The following LAMA2 variants were observed in gnomAD, a reference collection of about 807,000 sequenced individuals.
LAMA2 encodes the protein laminin subunit alpha 2, also known as laminin subunit alpha-2.
A neutral mutation model predicts 364.8 loss-of-function variants in LAMA2; 269 were observed. The observed-to-expected ratio is 0.74, with a 90% CI of 0.67 to 0.82. LAMA2 has a LOEUF of 0.82. LAMA2 is among the 40% of genes least tolerant of loss of function. The pLI, the probability that LAMA2 is intolerant of heterozygous loss-of-function variation, is 0.00. For synonymous variants in LAMA2, 1,379 were observed against 1,370.6 expected, an observed-to-expected ratio of 1.01 and a Z score of -0.14; for missense variants, 3,807 against 3,873.2, an observed-to-expected ratio of 0.98 and a Z score of 0.45.
chr6:129,464,409 T>A lies in LAMA2; in HGVS notation c.7112T>A (p.Phe2371Tyr), dbSNP rs201274841. 1 of 1,612,402 alleles carries A rather than the reference T, an allele frequency of 6.2e-7. No individual in the cohort carries two copies. Among genetic ancestry groups the A allele is most frequent in the Non-Finnish European group, 8.5e-7 (1 of 1,178,766 alleles). Residue 2371 changes from phenylalanine (F) to tyrosine (Y), a missense_variant, in exon 50 of 65, where the codon TTT (phenylalanine) becomes TAT (tyrosine). Phe to Tyr is a conservative substitution (Grantham distance 22). Around this residue, in one of 3 missense-constraint regions of LAMA2, gnomAD observed 3,333 missense variants for 3,345.7 expected, o/e 1.00. Coordinates refer to ENST00000421865, the MANE Select transcript of LAMA2 (RefSeq NM_000426.4). ...ACTGTCATGTTCAAGTTCAGAACAT[T>A]TTCTTCGAGTGCTCTTCTGATGTAT... is the stretch of plus-strand genomic sequence containing the variant. The part of the protein sequence containing the change: ...ISTVMFKFRT[F>Y]SSSALLMYLA...
intron 48 of LAMA2, among the ~76,000 whole-genome samples, chr6:129,457,707 G>A (rs1313889080): frequency 6.6e-6 from 1 of 152,016 alleles, no homozygotes; most frequent in Non-Finnish European, 1.5e-5. Context: ...CATTAGGGCT[G>A]CTATAAGAAA....
intron 1 of LAMA2, among the ~76,000 whole-genome samples, chr6:128,967,942 G>A (rs1025545218): frequency 6.6e-6 from 1 of 152,162 alleles, no homozygotes; most frequent in African/African-American, 2.4e-5. Context: ...TCAAGGGTAA[G>A]ATCACAGACC....
intron 10 of LAMA2, among the ~76,000 whole-genome samples, chr6:129,185,383 G>A (rs1781166381): frequency 6.6e-6 from 1 of 151,690 alleles, no homozygotes; most frequent in African/African-American, 2.4e-5. Flanking sequence ...AAAGAACTTA[G>A]TAAAATTTTT....
At chr6:129,456,305 T>G (rs748143298) in intron 47 of LAMA2, 30 bp from the exon 48 acceptor site, 5 of 1,605,188 alleles carry the variant, frequency 3.1e-6, no homozygotes, top group Non-Finnish European at 4.3e-6. Context: ...TGTATGTTCC[T>G]CCCCTTCACT....
chr6:129,166,308 AG>A, intron 9 of LAMA2, among the ~76,000 whole-genome samples: 1 of 152,332 alleles, frequency 6.6e-6, no homozygotes, highest in African/African-American at 2.4e-5. Flanking sequence ...AGCTACTTCC[AG>A]GGCAGTTGCT....
intron 9 of LAMA2, among the ~76,000 whole-genome samples, chr6:129,174,790 A>C (rs1479142187): frequency 6.6e-6 from 1 of 152,122 alleles, no homozygotes; most frequent in Non-Finnish European, 1.5e-5. Context: ...TTGCCAGCGC[A>C]ACGATTCTGT....
intron 1 of LAMA2, among the ~76,000 whole-genome samples, chr6:129,019,060 T>A (rs1785252235): frequency 6.6e-6 from 1 of 152,118 alleles, no homozygotes; most frequent in South Asian, 2.1e-4. Flanking sequence ...GATTATTCCC[T>A]ATGCCCACTG....
intron 1 of LAMA2, among the ~76,000 whole-genome samples, chr6:129,027,297 G>T (rs1434806404): frequency 3.9e-5 from 6 of 152,046 alleles, no homozygotes; most frequent in Non-Finnish European, 8.8e-5. Flanking sequence ...GAATGCGTAT[G>T]TTAGAATCCA....
At chr6:128,931,003 G>T (rs1233349236) in intron 1 of LAMA2, among the ~76,000 whole-genome samples, 2 of 152,034 alleles carry the variant, frequency 1.3e-5, no homozygotes, top group African/African-American at 4.8e-5. Context: ...TCAAATGCCA[G>T]TATCTCTATG....
In LAMA2 at chr6:129,280,984, A is replaced by G. The variant is rs73585550; in HGVS notation, c.2537+837A>G. Among the ~76,000 whole-genome samples the G allele has an allele frequency of 7.2e-3, 1,102 of 152,196 alleles. 22 individuals carry two copies. Among genetic ancestry groups the G allele is most frequent in the African/African-American group, 0.025 (1,019 of 41,516 alleles). On this transcript the variant is annotated intron_variant, in intron 18 of 64. Coordinates refer to ENST00000421865, the MANE Select transcript of LAMA2 (RefSeq NM_000426.4). ...GTCTTTTCCTGTCATCTTGGCAGCTATCACCCCTGTTTCAACCAGGATGCA... is the reference window on the plus strand; with the variant it reads ...GTCTTTTCCTGTCATCTTGGCAGCTGTCACCCCTGTTTCAACCAGGATGCA...
intron 29 of LAMA2, among the ~76,000 whole-genome samples, chr6:129,332,274 G>A (rs1053366719): frequency 5.3e-5 from 8 of 151,986 alleles, no homozygotes; most frequent in Non-Finnish European, 1.2e-4. Context: ...TTTTCCCCTT[G>A]ATACATTATT....
chr6:129,145,090 A>T (rs1583129210), intron 5 of LAMA2, among the ~76,000 whole-genome samples: 1 of 152,184 alleles, frequency 6.6e-6, no homozygotes, highest in Non-Finnish European at 1.5e-5. Context: ...GGTATAGCTA[A>T]GAAAAAAGAC....
rs995617362 is a variant in LAMA2 at position 129,380,801 on chromosome 6, G to T, written c.4960-2321G>T. ...TTGTTTTAACTTCTTTCTTATCATGGAGTTTGTAGGATTCTTGACAATTTA... is the reference window on the plus strand; with the variant it reads ...TTGTTTTAACTTCTTTCTTATCATGTAGTTTGTAGGATTCTTGACAATTTA... On this transcript the variant is annotated intron_variant, in intron 34 of 64. Transcript: ENST00000421865. 1.8e-4 allele frequency among the ~76,000 whole-genome samples: 28 copies of T among 152,240 alleles called. 1 individual carries two copies. The highest frequency in any genetic ancestry group is 6.3e-4 in the African/African-American group (26 of 41,538).
At chr6:129,204,639 T>C (rs1243206896) in intron 12 of LAMA2, among the ~76,000 whole-genome samples, 1 of 152,180 alleles carries the variant, frequency 6.6e-6, no homozygotes, top group African/African-American at 2.4e-5. Flanking sequence ...TTCAGACTTG[T>C]AGCCTCTAGA....
At position 129,342,323 on chromosome 6, in the gene LAMA2, T is replaced by G; in HGVS notation, c.4312-20T>G. ...TATCACTAAATTAAAAACAAACTTCTTCTCCCTTTTCCTTTACAGAATTGT... is the reference window on the plus strand; with the variant it reads ...TATCACTAAATTAAAAACAAACTTCGTCTCCCTTTTCCTTTACAGAATTGT... On this transcript the variant is annotated intron_variant, in intron 29 of 64. Transcript: ENST00000421865. 1 of 1,610,024 alleles carries G rather than the reference T, an allele frequency of 6.2e-7. No homozygotes were observed. Among genetic ancestry groups the G allele is most frequent in the South Asian group, 1.1e-5 (1 of 91,028 alleles).
chr6:129,119,582 C>T (rs925664470), intron 4 of LAMA2, among the ~76,000 whole-genome samples: 1 of 152,060 alleles, frequency 6.6e-6, no homozygotes, highest in Non-Finnish European at 1.5e-5. Context: ...GAGTCTCGAT[C>T]TGTCGCCCAG....
At chr6:129,238,172 C>T (rs1287531006) in intron 12 of LAMA2, among the ~76,000 whole-genome samples, 1 of 119,160 alleles carries the variant, frequency 8.4e-6, no homozygotes, top group Admixed American at 8.8e-5. Flanking sequence ...GACTCCATCT[C>T]AAAAAAAAAA....
At chr6:129,444,212 TC>T (rs1782257112) in intron 44 of LAMA2, among the ~76,000 whole-genome samples, 1 of 152,170 alleles carries the variant, frequency 6.6e-6, no homozygotes, top group Non-Finnish European at 1.5e-5. Context: ...ACTTCCAAGT[TC>T]CATTTTGAAA....
intron 41 of LAMA2, among the ~76,000 whole-genome samples, chr6:129,437,933 G>A (rs1205908821): frequency 2.6e-5 from 4 of 151,540 alleles, no homozygotes; most frequent in Non-Finnish European, 4.4e-5. Flanking sequence ...CTAAAGTTTA[G>A]AGAATATTAA....
Sources: gnomAD v4.1 joint callset for allele counts (sites outside exome capture counted in the v4.1 genomes callset) on GRCh38, gnomAD v4.1.1 for gene constraint, gnomAD v4.1.1 regional missense constraint, MANE v1.5 for transcripts, NCBI Gene and HGNC (gene_info 2026-07-23, HGNC 2026-07-21) for gene names.